MNAT1: variants seen among roughly 807,000 people sequenced by gnomAD.
MNAT1 encodes the protein MNAT1 component of CDK activating kinase.
Under a neutral mutation model 42.0 loss-of-function variants are expected in MNAT1, and 43 were observed. The observed-to-expected ratio is 1.02, with a 90% CI of 0.80 to 1.32. The LOEUF is 1.32. Ranked by LOEUF, MNAT1 falls within the 40% of genes most tolerant of loss-of-function variation. MNAT1 has a pLI of 0.00. For synonymous variants in MNAT1, 118 were observed against 120.0 expected (o/e 0.98, Z 0.11); for missense variants, 306 against 350.4 (o/e 0.87, Z 1.01).
At chr14:60,931,967 A>G (rs2035896237) in intron 7 of MNAT1, among the ~76,000 whole-genome samples, 1 of 152,010 alleles carries the variant, frequency 6.6e-6, no homozygotes, top group Non-Finnish European at 1.5e-5. Flanking sequence ...TGTCCATTGA[A>G]TTAAGTTTGT....
At chr14:60,769,807 T>C (rs2030983455) in intron 1 of MNAT1, among the ~76,000 whole-genome samples, 1 of 151,994 alleles carries the variant, frequency 6.6e-6, no homozygotes, top group Non-Finnish European at 1.5e-5. Context: ...GGCACATACA[T>C]GGCTAGTTTT....
intron 7 of MNAT1, among the ~76,000 whole-genome samples, chr14:60,950,751 G>A (rs2036366520): frequency 6.6e-6 from 1 of 151,952 alleles, no homozygotes; most frequent in South Asian, 2.1e-4. Context: ...TTCATCTTTC[G>A]ACGAAGCTTC....
intron 6 of MNAT1, among the ~76,000 whole-genome samples, chr14:60,876,691 C>A (rs949427091): frequency 6.6e-6 from 1 of 151,948 alleles, no homozygotes; most frequent in Non-Finnish European, 1.5e-5. Context: ...CCTTTTATGC[C>A]TGGCTTATTT....
chr14:60,774,336 C>T (rs2140309382), intron 1 of MNAT1, among the ~76,000 whole-genome samples: 1 of 152,214 alleles, frequency 6.6e-6, no homozygotes, highest in African/African-American at 2.4e-5. Flanking sequence ...CTTGAATAAC[C>T]TTGGCATGTT....
chr14:60,895,083 A>G (rs1426703309), intron 7 of MNAT1, among the ~76,000 whole-genome samples: 3 of 152,208 alleles, frequency 2.0e-5, no homozygotes, highest in Non-Finnish European at 4.4e-5. Context: ...CATTCTATAC[A>G]GAGGACTTTA....
intron 1 of MNAT1, among the ~76,000 whole-genome samples, chr14:60,757,239 C>T (rs1289202518): frequency 6.6e-6 from 1 of 152,150 alleles, no homozygotes; most frequent in East Asian, 1.9e-4. Context: ...GAAATACATA[C>T]TGATCTGACA....
rs575080039 is a variant in MNAT1, at chr14:60,962,208, A to G, written c.810-6021A>G. On this transcript the variant is annotated intron_variant, in intron 7 of 7. Coordinates refer to ENST00000261245, the MANE Select transcript of MNAT1 (RefSeq NM_002431.4). ...TTTTTCTGTGTAATGTCATCTAAGC[A>G]TATAATGGCAATACTGAAATTAGAC... Among the ~76,000 whole-genome samples the G allele has an allele frequency of 7.0e-4, 107 of 152,350 alleles. 1 individual carries two copies. Among genetic ancestry groups the G allele is most frequent in the Admixed American group, 1.2e-3 (19 of 15,310 alleles).
chr14:60,859,175 G>A (rs1402483863), intron 6 of MNAT1, among the ~76,000 whole-genome samples: 1 of 152,190 alleles, frequency 6.6e-6, no homozygotes, highest in Admixed American at 6.5e-5. Flanking sequence ...CATGTAAGGT[G>A]TATACTTCAG....
chr14:60,959,895 T>C (rs1204702865), intron 7 of MNAT1, among the ~76,000 whole-genome samples: 1 of 151,308 alleles, frequency 6.6e-6, no homozygotes, highest in Non-Finnish European at 1.5e-5. Context: ...ATGCTCTTCA[T>C]ATTCTTATGT....
intron 6 of MNAT1, among the ~76,000 whole-genome samples, chr14:60,822,938 G>T (rs1414017298): frequency 6.6e-6 from 1 of 151,948 alleles, no homozygotes; most frequent in Non-Finnish European, 1.5e-5. Context: ...TGTAATTTTG[G>T]TAGCAATGGG....
chr14:60,828,992 G>A (rs1340053026), intron 6 of MNAT1, among the ~76,000 whole-genome samples: 2 of 152,130 alleles, frequency 1.3e-5, no homozygotes, highest in Non-Finnish European at 2.9e-5. Flanking sequence ...GCAACCTGGA[G>A]GCTCCATGAA....
intron 7 of MNAT1, among the ~76,000 whole-genome samples, chr14:60,902,278 A>G (rs1297649888): frequency 6.6e-6 from 1 of 152,176 alleles, no homozygotes; most frequent in Admixed American, 6.5e-5. Flanking sequence ...TTTTTTATAT[A>G]TAATATAATC....
intron 6 of MNAT1, among the ~76,000 whole-genome samples, chr14:60,828,288 ACT>A (rs1180399089): frequency 6.6e-6 from 1 of 152,122 alleles, no homozygotes; most frequent in Non-Finnish European, 1.5e-5. Context: ...ATTTTATAAA[ACT>A]CTCAGGATGC....
intron 1 of MNAT1, among the ~76,000 whole-genome samples, chr14:60,742,538 G>A (rs892796775): frequency 6.6e-6 from 1 of 152,116 alleles, no homozygotes; most frequent in East Asian, 1.9e-4. Context: ...TATAATTCAC[G>A]TACCATAAAA....
intron 1 of MNAT1, chr14:60,780,493 A>C (rs2031418823): frequency 6.6e-7 from 1 of 1,511,632 alleles, no homozygotes; most frequent in East Asian, 2.2e-5. Flanking sequence ...AGTCGGGACC[A>C]CAGTTTATTA....
chr14:60,850,940 T>A (rs1398051324), intron 6 of MNAT1, among the ~76,000 whole-genome samples: 1 of 152,208 alleles, frequency 6.6e-6, no homozygotes, highest in East Asian at 1.9e-4. Flanking sequence ...TCAGAAATAA[T>A]GACATGGTCT....
chr14:60,757,009 C>T (rs1288477292), intron 1 of MNAT1, among the ~76,000 whole-genome samples: 1 of 152,132 alleles, frequency 6.6e-6, no homozygotes, highest in Non-Finnish European at 1.5e-5. Context: ...AAGATGTCAT[C>T]AGCTGTGAGT....
intron 7 of MNAT1, among the ~76,000 whole-genome samples, chr14:60,885,197 C>T (rs1043746308): frequency 6.6e-6 from 1 of 151,612 alleles, no homozygotes; most frequent in Admixed American, 6.6e-5. Flanking sequence ...CTGTAACCTT[C>T]TTGTACTTGA....
intron 7 of MNAT1, among the ~76,000 whole-genome samples, chr14:60,885,832 A>T (rs1177798270): frequency 6.6e-6 from 1 of 152,038 alleles, no homozygotes; most frequent in African/African-American, 2.4e-5. Context: ...CCAGAAAACC[A>T]TTGCCAAAGT....
Sources: gnomAD v4.1 joint callset for allele counts (sites outside exome capture counted in the v4.1 genomes callset) on GRCh38, gnomAD v4.1.1 for gene constraint, MANE v1.5 for transcripts, NCBI Gene and HGNC (gene_info 2026-07-23, HGNC 2026-07-21) for gene names.